The following NCALD variants were observed in gnomAD, a reference collection of about 807,000 sequenced individuals.
The protein encoded by NCALD is neurocalcin delta, also known as neurocalcin-delta.
Under a neutral mutation model 18.6 loss-of-function variants are expected in NCALD, and 10 were observed. The ratio of observed to expected loss-of-function variants is 0.54; its 90% CI spans 0.33 to 0.91. NCALD has a LOEUF of 0.91. Ranked by LOEUF, NCALD falls within the 40% of genes least tolerant of loss-of-function variation. The pLI, the probability that NCALD is intolerant of heterozygous loss-of-function variation, is 0.03. For synonymous variants in NCALD, 88 were observed against 87.4 expected (o/e 1.01, Z -0.04); for missense variants, 184 against 247.6 (o/e 0.74, Z 1.72).
intron 4 of NCALD, among the ~76,000 whole-genome samples, chr8:101,865,955 A>T (rs1412166385): frequency 6.6e-6 from 1 of 152,210 alleles, no homozygotes; most frequent in Non-Finnish European, 1.5e-5. Context: ...GACGTATTCA[A>T]AAGTGATCCA....
At chr8:101,888,122 A>AG (rs1317229345) in intron 3 of NCALD, among the ~76,000 whole-genome samples, 1 of 152,192 alleles carries the variant, frequency 6.6e-6, no homozygotes, top group East Asian at 1.9e-4. Context: ...AATGGCTTAA[A>AG]CTAGTCAAGG....
At chr8:101,803,566 G>A (rs1484462351) in intron 4 of NCALD, among the ~76,000 whole-genome samples, 1 of 152,128 alleles carries the variant, frequency 6.6e-6, no homozygotes, top group Admixed American at 6.5e-5. Flanking sequence ...TCCTCTGATG[G>A]ATCTGGGCAA....
chr8:101,923,598 G>A (rs1341426122), intron 2 of NCALD, among the ~76,000 whole-genome samples: 1 of 152,204 alleles, frequency 6.6e-6, no homozygotes, highest in Non-Finnish European at 1.5e-5. Flanking sequence ...AATAAATGTA[G>A]CTGGCCGAAT....
chr8:101,799,288 G>A (rs1245659743), intron 4 of NCALD, among the ~76,000 whole-genome samples: 1 of 152,178 alleles, frequency 6.6e-6, no homozygotes, highest in Non-Finnish European at 1.5e-5. Flanking sequence ...ACTACCAAAT[G>A]CCAGCAAGGA....
chr8:101,764,851 A>C (rs935365803), intron 1 of NCALD, among the ~76,000 whole-genome samples: 3 of 152,116 alleles, frequency 2.0e-5, no homozygotes, highest in African/African-American at 7.2e-5. Context: ...ACTTTACAAA[A>C]CCACAGTCAG....
chr8:101,931,091 C>T (rs910568881), intron 2 of NCALD, among the ~76,000 whole-genome samples: 7 of 152,158 alleles, frequency 4.6e-5, no homozygotes, highest in African/African-American at 1.4e-4. Flanking sequence ...TGTCCGCCAG[C>T]GTGGACCACT....
At chr8:101,938,571 T>C (rs150349612) in intron 2 of NCALD, among the ~76,000 whole-genome samples, 2 of 152,332 alleles carry the variant, frequency 1.3e-5, no homozygotes, top group East Asian at 1.9e-4. Flanking sequence ...AAGATCAAAA[T>C]TGTAGCATCA....
In NCALD at chr8:101,747,906, C is replaced by T. The variant is rs553239027; in HGVS notation, c.-19-28258G>A. Among the ~76,000 whole-genome samples the T allele has an allele frequency of 6.2e-4, 94 of 152,132 alleles. 3 individuals carry two copies. The South Asian group carries it at 0.016, about 25-fold the overall frequency. On this transcript the variant is annotated intron_variant, in intron 1 of 3. Transcript: ENST00000220931. ...CTAATTTTTGCATTTTTAGTAGAGA[C>T]GGGGTTTCACCATGTTGGCCAGGCT...
chr8:101,795,947 A>C (rs1031547672), upstream of NCALD, among the ~76,000 whole-genome samples: 20 of 152,236 alleles, frequency 1.3e-4, no homozygotes, highest in Non-Finnish European at 2.9e-4. Flanking sequence ...CAAGAGGACA[A>C]GAAGTGAAGC....
chr8:101,967,863 A>G (rs559981395), intron 2 of NCALD, among the ~76,000 whole-genome samples: 44 of 151,862 alleles, frequency 2.9e-4, no homozygotes, highest in African/African-American at 1.1e-3. Flanking sequence ...ACACACACAC[A>G]CACATGCACT....
At chr8:101,968,810 CT>C (rs1820130520) in intron 2 of NCALD, among the ~76,000 whole-genome samples, 1 of 152,144 alleles carries the variant, frequency 6.6e-6, no homozygotes, top group Non-Finnish European at 1.5e-5. Flanking sequence ...AATTTTTCCC[CT>C]CCAAGTAAAA....
chr8:102,046,983 G>A (rs539987958), intron 1 of NCALD, among the ~76,000 whole-genome samples: 5 of 152,094 alleles, frequency 3.3e-5, no homozygotes, highest in South Asian at 4.2e-4. Flanking sequence ...CATTCTCCAC[G>A]CTCAAATAGA....
At position 101,765,608 on chromosome 8, in the gene NCALD, C is replaced by T. The variant is rs909176545; in HGVS notation, c.-20+25254G>A. On this transcript the variant is annotated intron_variant, in intron 1 of 3. Transcript: ENST00000220931. ...GATTTGATTATCTAGCTTATGGGGA[C>T]TCCTGGGCTGAAGACAGGTGGGTGT... Among the ~76,000 whole-genome samples, 3 of 152,132 alleles carry T rather than the reference C, an allele frequency of 2.0e-5. No individual in the cohort carries two copies. In the South Asian group the frequency reaches 6.2e-4, roughly 32 times the overall value.
chr8:101,825,890 A>T (rs1813917056), intron 4 of NCALD, among the ~76,000 whole-genome samples: 1 of 152,238 alleles, frequency 6.6e-6, no homozygotes, highest in Non-Finnish European at 1.5e-5. Flanking sequence ...TTTATTTTTT[A>T]AAAAAGAAAA....
At chr8:101,911,889 G>A (rs1817814778) in intron 3 of NCALD, among the ~76,000 whole-genome samples, 1 of 152,042 alleles carries the variant, frequency 6.6e-6, no homozygotes, top group Non-Finnish European at 1.5e-5. Flanking sequence ...TAGACACAAG[G>A]TCTAATAAGG....
chr8:101,891,874 T>C (rs1816908030), intron 3 of NCALD, among the ~76,000 whole-genome samples: 1 of 152,114 alleles, frequency 6.6e-6, no homozygotes, highest in Non-Finnish European at 1.5e-5. Context: ...GCCCACGGAA[T>C]CTCGCTGATT....
chr8:102,115,953 A>ATT (rs1825769451), intron 1 of NCALD, among the ~76,000 whole-genome samples: 1 of 151,994 alleles, frequency 6.6e-6, no homozygotes, highest in Admixed American at 6.5e-5. Context: ...AGCCTCTTTC[A>ATT]CACCCCTTTA....
chr8:101,720,346 T>C (rs1182030551), intron 1 of NCALD, among the ~76,000 whole-genome samples: 1 of 152,226 alleles, frequency 6.6e-6, no homozygotes, highest in Non-Finnish European at 1.5e-5. Context: ...CAAATGTTTC[T>C]CTTTAAAATA....
intron 4 of NCALD, among the ~76,000 whole-genome samples, chr8:101,812,256 C>G (rs915012000): frequency 6.6e-6 from 1 of 151,706 alleles, no homozygotes; most frequent in Admixed American, 6.6e-5. Flanking sequence ...ATCACCAAAG[C>G]AGTCTATGAA....
Sources: allele counts gnomAD v4.1 joint callset (sites outside exome capture counted in the v4.1 genomes callset), GRCh38; gene constraint gnomAD v4.1.1; transcripts MANE v1.5; gene names NCBI Gene and HGNC (gene_info 2026-07-23, HGNC 2026-07-21).